Variants in KNDC1 observed in about 807,000 individuals in gnomAD.
KNDC1 encodes kinase non-catalytic C-lobe domain-containing protein 1.
In KNDC1, 106 loss-of-function variants were observed where a neutral mutation model predicts 172.8. That is an observed-to-expected ratio of 0.61 (90% CI 0.52 to 0.72). The LOEUF is 0.72. Ranked by LOEUF, KNDC1 falls within the 30% of genes least tolerant of loss-of-function variation. The pLI, the probability that KNDC1 is intolerant of heterozygous loss-of-function variation, is 0.00. For synonymous variants in KNDC1, 1,083 were observed against 1,062.2 expected (o/e 1.02, Z -0.38); for missense variants, 2,325 against 2,394.5 (o/e 0.97, Z 0.61).
chr10:133,174,222 T>G (rs1047378266), intron 3 of KNDC1: 27 of 152,284 alleles, frequency 1.8e-4, no homozygotes, highest in African/African-American at 6.5e-4. Flanking sequence ...CTTGTTTGCA[T>G]CAGAGGCCTC....
chr10:133,198,802 C>A lies in KNDC1; in HGVS notation c.2294C>A (p.Ala765Asp). 6.3e-7 allele frequency: 1 copy of A among 1,592,930 alleles called. No individual in the cohort carries two copies. The highest frequency in any genetic ancestry group is 8.5e-7 in the Non-Finnish European group (1 of 1,170,324). ...AQGRPCPPPQAPANQPEGASS... is the reference protein window; with the variant it reads ...AQGRPCPPPQDPANQPEGASS... Reference sequence around the variant, plus strand: ...GGCCGCCCCTGCCCTCCACCCCAGGCCCCAGCAAACCAGCCAGAGGGGGCC... The same window carrying A: ...GGCCGCCCCTGCCCTCCACCCCAGGACCCAGCAAACCAGCCAGAGGGGGCC... Residue 765 changes from alanine to aspartate, a missense_variant, in exon 14 of 30, where the codon GCC becomes GAC. Ala to Asp is a moderately radical substitution (Grantham distance 126, BLOSUM62 -2). Transcript: ENST00000304613.
At chr10:133,184,260 TACACACACCCATGCACACACACGCTGC>T (rs1437758354) in intron 5 of KNDC1, among the ~76,000 whole-genome samples, 13 of 110,172 alleles carry the variant, frequency 1.2e-4, no homozygotes, top group Non-Finnish European at 1.7e-4. Flanking sequence ...ACACACACGT[TACACACACCCATGCACACACACGCTGC>T]ACACACACCC....
At chr10:133,188,876 C>T (rs1006723057) in intron 7 of KNDC1, among the ~76,000 whole-genome samples, 3 of 151,966 alleles carry the variant, frequency 2.0e-5, no homozygotes, top group African/African-American at 4.8e-5. Context: ...AGGCGGCTCC[C>T]GTCTGGAGCA....
intron 11 of KNDC1, among the ~76,000 whole-genome samples, chr10:133,197,344 G>C (rs900772454): frequency 3.3e-5 from 5 of 152,168 alleles, no homozygotes; most frequent in African/African-American, 1.2e-4. Context: ...CCCAGATCAG[G>C]ATCAGGGCAG....
intron 12 of KNDC1, 77 bp from the exon 13 acceptor site, chr10:133,198,260 G>A: frequency 1.4e-6 from 2 of 1,446,594 alleles, no homozygotes; most frequent in Non-Finnish European, 9.2e-7. Flanking sequence ...GATGAGCACT[G>A]GGTGGGATGA....
Position 133,211,425 on chromosome 10 carries a change from C to G in KNDC1, c.3912C>G (p.Ala1304=). 1 of 1,606,048 alleles carries G rather than the reference C, an allele frequency of 6.2e-7. No individual in the cohort carries two copies. Among genetic ancestry groups the G allele is most frequent in the East Asian group, 2.2e-5 (1 of 44,456 alleles). Reference sequence around the variant, plus strand: ...AGCAGCTCCCCTGCGTCTCCAGGGCCCACCAGGACCCCACCTCGACCTTCA... The same window carrying G: ...AGCAGCTCCCCTGCGTCTCCAGGGCGCACCAGGACCCCACCTCGACCTTCA... ...LDRINSTLTR[A]HQDPTSTFTK... The change falls in exon 22 of 30, where the codon GCC becomes GCG. Residue 1304 remains alanine (A), a synonymous_variant. Coordinates refer to ENST00000304613, the MANE Select transcript of KNDC1 (RefSeq NM_152643.8).
intron 28 of KNDC1, 22 bp downstream of exon 28, chr10:133,219,112 G>T (rs377750148): frequency 6.2e-7 from 1 of 1,608,920 alleles, no homozygotes; most frequent in South Asian, 1.1e-5. Flanking sequence ...TTACGTGGCC[G>T]GGCGGCTTTG....
At position 133,168,284 on chromosome 10, in the gene KNDC1, A is replaced by G; in HGVS notation, c.332A>G (p.Glu111Gly). ...CCTGAGGGTGCCTTCGTTCCCCCCG[A>G]GTTCGACGTGACCGGGAACACCTTT... is the stretch of plus-strand genomic sequence containing the variant. ...DDPEGAFVPPEFDVTGNTFEA... is the reference protein window; with the variant it reads ...DDPEGAFVPPGFDVTGNTFEA... The change falls in exon 3 of 30, where the codon GAG (glutamate) becomes GGG (glycine). Residue 111 changes from glutamate to glycine, a missense_variant. Transcript: ENST00000304613. The G allele has an allele frequency of 6.2e-7, 1 of 1,614,046 alleles. No individual in the cohort carries two copies. The highest frequency in any genetic ancestry group is 8.5e-7 in the Non-Finnish European group (1 of 1,180,000).
At chr10:133,202,325 C>G (rs1854398620) in intron 17 of KNDC1, 1 of 470,068 alleles carries the variant, frequency 2.1e-6, no homozygotes, top group Non-Finnish European at 4.2e-6. Flanking sequence ...TAGACTGGGC[C>G]TGGTCGCTGC....
Position 133,186,658 on chromosome 10 carries a change from G to A in KNDC1, c.1310G>A (p.Ser437Asn). 6.3e-7 allele frequency: 1 copy of A among 1,585,528 alleles called. No individual in the cohort carries two copies. Among genetic ancestry groups the A allele is most frequent in the Non-Finnish European group, 8.5e-7 (1 of 1,174,138 alleles). ...CCAGAAGGAGCTAGGCAGCTGGAAA[G>A]TGCAGCCGCGGAGCAGGTGGGTGCC... The part of the protein sequence containing the change: ...RIPEGARQLE[S>N]AAAEQWVSLQ... Residue 437 changes from serine to asparagine, a missense_variant, in exon 6 of 30, where the codon AGT (serine) becomes AAT (asparagine). Coordinates refer to ENST00000304613, the MANE Select transcript of KNDC1 (RefSeq NM_152643.8).
At chr10:133,187,613 C>T (rs942631040) in intron 6 of KNDC1, among the ~76,000 whole-genome samples, 1 of 152,204 alleles carries the variant, frequency 6.6e-6, no homozygotes, top group African/African-American at 2.4e-5. Context: ...CGCACAACAG[C>T]CTACCTTCCC....
chr10:133,211,743 G>A lies in KNDC1; in HGVS notation c.4121G>A (p.Arg1374Gln), dbSNP rs370509812. 46 of 1,609,728 alleles carry A rather than the reference G, an allele frequency of 2.9e-5. No individual in the cohort carries two copies. Among genetic ancestry groups the A allele is most frequent in the Middle Eastern group, 1.7e-4 (1 of 6,060 alleles). ...CTCCTGGAGGTGGGCATGGACCGGC[G>A]GGCCGAGGGCAACCCTCGCGGCACA... is the stretch of plus-strand genomic sequence containing the variant. ...LGLLEVGMDR[R>Q]AEGNPRGTDL... Residue 1374 changes from arginine (R) to glutamine (Q), a missense_variant, in exon 23 of 30, where the codon CGG becomes CAG. Arg to Gln is a conservative substitution (Grantham distance 43, BLOSUM62 1). Coordinates refer to ENST00000304613, the MANE Select transcript of KNDC1 (RefSeq NM_152643.8).
chr10:133,177,298 TATGTA>T (rs1401647519), intron 3 of KNDC1, among the ~76,000 whole-genome samples: 2 of 152,210 alleles, frequency 1.3e-5, no homozygotes, highest in African/African-American at 4.8e-5. Context: ...TGTGTGCATC[TATGTA>T]GTGTGTACAT....
Position 133,207,284 on chromosome 10 carries a change from G to A in KNDC1, c.3727G>A (p.Gly1243Ser), listed in dbSNP as rs569119713. The A allele has an allele frequency of 3.5e-5, 57 of 1,613,028 alleles. 2 individuals carry two copies. The Middle Eastern group carries it at 5.0e-4, about 14-fold the overall frequency. ...IFYNVNKHPG[G>S]RQKARILQAG... ...CTACAACGTCAACAAGCACCCGGGC[G>A]GCCGGCAGAAGGCCCGCATCCTGCA... Residue 1243 changes from glycine (G) to serine (S), a missense_variant, in exon 20 of 30, where the codon GGC becomes AGC. Coordinates refer to ENST00000304613, the MANE Select transcript of KNDC1 (RefSeq NM_152643.8).
In KNDC1 at chr10:133,167,510, C is replaced by T. The variant is rs774672849; in HGVS notation, c.232C>T (p.Leu78=). ...GGCCCACGCCGCCATCTTCCAGAGC[C>T]TGTGCATCACGCCCGACACCCTGGC... ...SVAHAAIFQS[L]CITPDTLAFN... The change falls in exon 2 of 30, where the codon CTG becomes TTG. Residue 78 remains leucine (L), a synonymous_variant. Transcript: ENST00000304613. 6.2e-7 allele frequency: 1 copy of T among 1,605,602 alleles called. No individual in the cohort carries two copies. Among genetic ancestry groups the T allele is most frequent in the Non-Finnish European group, 8.5e-7 (1 of 1,176,676 alleles).
At chr10:133,184,398 ACACACG>A (rs1419067631) in intron 5 of KNDC1, among the ~76,000 whole-genome samples, 6 of 122,482 alleles carry the variant, frequency 4.9e-5, no homozygotes, top group Middle Eastern at 4.2e-3. Flanking sequence ...ACACACACGC[ACACACG>A]CACACACCCA....
chr10:133,220,151 A>C, intron 29 of KNDC1, 39 bp downstream of exon 29: 1 of 1,513,684 alleles, frequency 6.6e-7, no homozygotes, highest in Non-Finnish European at 8.9e-7. Context: ...CCAGGAGAGG[A>C]GGGGCTCAGG....
At chr10:133,169,976 G>A (rs7078835) in intron 3 of KNDC1, among the ~76,000 whole-genome samples, 5,765 of 152,220 alleles carry the variant, frequency 0.038, 353 homozygotes, top group African/African-American at 0.13. Flanking sequence ...TTGTTTCCTC[G>A]GGGCCATTTT....
chr10:133,203,359 A>G (rs1379204889), intron 17 of KNDC1, among the ~76,000 whole-genome samples: 1 of 152,184 alleles, frequency 6.6e-6, no homozygotes, highest in East Asian at 1.9e-4. Context: ...CCAAACACAC[A>G]GCGTCCGGCC....
Sources: gnomAD v4.1 joint callset for allele counts (sites outside exome capture counted in the v4.1 genomes callset) on GRCh38, gnomAD v4.1.1 for gene constraint, MANE v1.5 for transcripts, NCBI Gene and HGNC (gene_info 2026-07-23, HGNC 2026-07-21) for gene names.